FILIP1L: variants seen among roughly 807,000 people sequenced by gnomAD.
FILIP1L encodes filamin A interacting protein 1 like, also known as filamin A-interacting protein 1-like.
Under a neutral mutation model 96.6 loss-of-function variants are expected in FILIP1L, and 55 were observed. That is an observed-to-expected ratio of 0.57 (90% CI 0.46 to 0.71). The LOEUF (loss-of-function observed/expected upper bound fraction) is 0.71. FILIP1L is among the 30% of genes least tolerant of loss of function. The pLI, the probability that FILIP1L is intolerant of heterozygous loss-of-function variation, is 0.00. For missense variants in FILIP1L, 1,304 were observed against 1,321.2 expected (o/e 0.99, Z 0.20); for synonymous variants, 467 against 473.9 (o/e 0.99, Z 0.19).
At chr3:99,838,051 CT>C (rs754890220) in intron 5 of FILIP1L, among the ~76,000 whole-genome samples, 116 of 152,340 alleles carry the variant, frequency 7.6e-4, no homozygotes, top group Non-Finnish European at 9.4e-4. Flanking sequence ...AATCAGGTAC[CT>C]CCTGCTCTGC....
At chr3:99,885,550 T>C (rs1334832809) in intron 4 of FILIP1L, among the ~76,000 whole-genome samples, 2 of 152,256 alleles carry the variant, frequency 1.3e-5, no homozygotes, top group Non-Finnish European at 2.9e-5. Context: ...CTTACTTTGA[T>C]ACTTCTTCAT....
At chr3:99,852,592 C>T (rs907476781) in intron 4 of FILIP1L, among the ~76,000 whole-genome samples, 4 of 151,948 alleles carry the variant, frequency 2.6e-5, no homozygotes, top group African/African-American at 4.8e-5. Flanking sequence ...ATTATAGGCA[C>T]GCACCACCAC....
chr3:99,983,432 GTATATA>G (rs1339536030), intron 1 of FILIP1L, among the ~76,000 whole-genome samples: 409 of 33,402 alleles, frequency 0.012, 10 homozygotes, highest in African/African-American at 0.041. Flanking sequence ...ATGTATGTAT[GTATATA>G]TATGTATGTA....
chr3:99,972,145 A>G (rs1166815855), intron 1 of FILIP1L, among the ~76,000 whole-genome samples: 1 of 152,210 alleles, frequency 6.6e-6, no homozygotes, highest in African/African-American at 2.4e-5. Context: ...ATATAGACTG[A>G]TATGCAAAGT....
intron 1 of FILIP1L, among the ~76,000 whole-genome samples, chr3:99,959,952 A>G (rs997391100): frequency 1.3e-5 from 2 of 152,154 alleles, no homozygotes; most frequent in Non-Finnish European, 2.9e-5. Flanking sequence ...GATGGCTAAC[A>G]TCTGTCACTT....
At chr3:100,058,856 G>C (rs2065510421) in intron 1 of FILIP1L, among the ~76,000 whole-genome samples, 1 of 152,230 alleles carries the variant, frequency 6.6e-6, no homozygotes, top group African/African-American at 2.4e-5. Flanking sequence ...TTTAGTAGTT[G>C]AGTGATGTGT....
chr3:100,089,977 C>T (rs1576044268), intron 1 of FILIP1L, among the ~76,000 whole-genome samples: 1 of 152,198 alleles, frequency 6.6e-6, no homozygotes, highest in African/African-American at 2.4e-5. Context: ...AAATAGTACA[C>T]TCATCTTCCC....
At chr3:99,925,654 G>A (rs1428433130) in intron 3 of FILIP1L, among the ~76,000 whole-genome samples, 1 of 152,184 alleles carries the variant, frequency 6.6e-6, no homozygotes, top group African/African-American at 2.4e-5. Context: ...GCTTATACGT[G>A]GATGCTAAGC....
At chr3:99,963,818 A>G (rs1708565214) in intron 1 of FILIP1L, among the ~76,000 whole-genome samples, 1 of 151,996 alleles carries the variant, frequency 6.6e-6, no homozygotes, top group African/African-American at 2.4e-5. Context: ...GGGTTTCACC[A>G]TGTTGGCCAA....
At chr3:100,008,241 TC>T (rs1370239009) in intron 1 of FILIP1L, among the ~76,000 whole-genome samples, 25 of 152,254 alleles carry the variant, frequency 1.6e-4, no homozygotes, top group Middle Eastern at 3.4e-3. Context: ...AGGTAACTAC[TC>T]CACCCCTGCT....
intron 4 of FILIP1L, among the ~76,000 whole-genome samples, chr3:99,915,630 TAA>T (rs938791437): frequency 6.8e-6 from 1 of 146,542 alleles, no homozygotes; most frequent in Non-Finnish European, 1.5e-5. Context: ...CTTAATGGTT[TAA>T]AAAAAAAAAA....
Position 99,832,766 on chromosome 3 carries a change from C to A in FILIP1L, c.3382-2161G>T, listed in dbSNP as rs1410400422. On this transcript the variant is annotated intron_variant, in intron 5 of 5. Transcript: ENST00000477258. ...AAGGCAGGAGAATCGCTTGAACCCACGAGGCGGAGGTTGCAGTGAGCCGAG... is the reference window on the plus strand; with the variant it reads ...AAGGCAGGAGAATCGCTTGAACCCAAGAGGCGGAGGTTGCAGTGAGCCGAG... Among the ~76,000 whole-genome samples the A allele has an allele frequency of 2.8e-5, 4 of 143,982 alleles. No individual in the cohort carries two copies. The East Asian group carries it at 8.4e-4, about 30-fold the overall frequency. 94.5% of individuals were successfully genotyped at this position (143,982 alleles called of 152,430 possible).
At chr3:99,852,881 A>G (rs1053306447) in intron 4 of FILIP1L, among the ~76,000 whole-genome samples, 1 of 152,250 alleles carries the variant, frequency 6.6e-6, no homozygotes, top group African/African-American at 2.4e-5. Flanking sequence ...AAATAATTGT[A>G]TAAGAATTCT....
At chr3:99,859,315 T>G (rs1422079299) in intron 4 of FILIP1L, among the ~76,000 whole-genome samples, 1 of 152,264 alleles carries the variant, frequency 6.6e-6, no homozygotes, top group Non-Finnish European at 1.5e-5. Flanking sequence ...CACAGATCAG[T>G]CTGATCATAC....
In FILIP1L at chr3:99,907,108, A is replaced by T. The variant is rs184936819; in HGVS notation, c.605+17122T>A. Among the ~76,000 whole-genome samples the T allele has an allele frequency of 8.3e-4, 127 of 152,356 alleles. 1 individual carries two copies. The highest frequency in any genetic ancestry group is 2.1e-3 in the East Asian group (11 of 5,192). On this transcript the variant is annotated intron_variant, in intron 4 of 5. Coordinates refer to ENST00000477258, the MANE Select transcript of FILIP1L (RefSeq NM_001387850.1). ...GTTATTTAGACTTCAACAAATACAC[A>T]GAGTTGGTTAGCATATACTGGAAGC...
intron 1 of FILIP1L, among the ~76,000 whole-genome samples, chr3:99,948,063 A>G (rs74711359): frequency 0.089 from 13,627 of 152,286 alleles, 779 homozygotes; most frequent in East Asian, 0.2. Context: ...TAAAGCTATA[A>G]CATTCTGTTT....
At chr3:100,036,199 A>G (rs1488771526) in intron 1 of FILIP1L, among the ~76,000 whole-genome samples, 2 of 152,344 alleles carry the variant, frequency 1.3e-5, no homozygotes, top group Middle Eastern at 3.4e-3. Flanking sequence ...GTCTAGAATC[A>G]ATGACACCTT....
chr3:99,849,820 T>A lies in FILIP1L; in HGVS notation c.1856A>T (p.His619Leu), dbSNP rs765900679. 1 of 1,612,150 alleles carries A rather than the reference T, an allele frequency of 6.2e-7. No individual in the cohort carries two copies. Among genetic ancestry groups the A allele is most frequent in the East Asian group, 2.2e-5 (1 of 44,870 alleles). ...CTCCTTAATCTTATTGTTTTCTTGG[T>A]GTAATGCTGTTGTGGATTTCCCAGA... ...QDSGKSTTAL[H>L]QENNKIKELS... is the part of the protein sequence containing the mutation. The change falls in exon 5 of 6, where the codon CAC (histidine) becomes CTC (leucine). Residue 619 changes from histidine to leucine, a missense_variant. Coordinates refer to ENST00000477258, the MANE Select transcript of FILIP1L (RefSeq NM_001387850.1).
At chr3:99,953,675 A>G (rs1399184206) in intron 1 of FILIP1L, among the ~76,000 whole-genome samples, 3 of 152,186 alleles carry the variant, frequency 2.0e-5, no homozygotes. Flanking sequence ...TATATTTGAA[A>G]CACTGATTAC....
Sources: allele counts gnomAD v4.1 joint callset (sites outside exome capture counted in the v4.1 genomes callset), GRCh38; gene constraint gnomAD v4.1.1; transcripts MANE v1.5; gene names NCBI Gene and HGNC (gene_info 2026-07-23, HGNC 2026-07-21).